Variants in ROBO2 observed in about 807,000 individuals in gnomAD.
The protein encoded by ROBO2 is roundabout homolog 2.
Under a neutral mutation model 160.8 loss-of-function variants are expected in ROBO2, and 53 were observed. The observed-to-expected ratio is 0.33, with a 90% CI of 0.26 to 0.41. The LOEUF (loss-of-function observed/expected upper bound fraction) is 0.41. Ranked by LOEUF, ROBO2 falls within the 10% of genes least tolerant of loss-of-function variation. The probability of loss-of-function intolerance (pLI) is 1.00; values close to 1 mark genes in which losing one functional copy is unlikely to be tolerated. For synonymous variants in ROBO2, 664 were observed against 611.7 expected, an observed-to-expected ratio of 1.09 and a Z score of -1.26; for missense variants, 1,577 against 1,722.4, an observed-to-expected ratio of 0.92 and a Z score of 1.49.
chr3:75,978,605 TTG>T (rs1207734633), intron 2 of ROBO2, among the ~76,000 whole-genome samples: 2 of 149,224 alleles, frequency 1.3e-5, no homozygotes, highest in African/African-American at 5.1e-5. Context: ...TATGAAGTAT[TTG>T]GTTTTCAGCT....
At chr3:76,375,978 A>G (rs1308600171) in intron 2 of ROBO2, among the ~76,000 whole-genome samples, 1 of 152,006 alleles carries the variant, frequency 6.6e-6, no homozygotes, top group Non-Finnish European at 1.5e-5. Flanking sequence ...GGATTCTGTT[A>G]CTTTTCATAT....
intron 2 of ROBO2, among the ~76,000 whole-genome samples, chr3:76,296,083 C>T (rs553397730): frequency 3.3e-5 from 5 of 152,150 alleles, no homozygotes; most frequent in South Asian, 2.1e-4. Flanking sequence ...GTTGAATCAT[C>T]GTGGATATCT....
At chr3:76,587,670 A>T (rs566736861) in intron 2 of ROBO2, among the ~76,000 whole-genome samples, 2 of 152,212 alleles carry the variant, frequency 1.3e-5, no homozygotes, top group Admixed American at 6.5e-5. Flanking sequence ...ATTCAAGATG[A>T]GATTTGGGTG....
chr3:76,221,306 AGCAGTGCCAC>A lies in ROBO2; in HGVS notation c.109+283705_109+283714del, dbSNP rs1395540106. Among the ~76,000 whole-genome samples, 308 of 151,250 alleles carry A rather than the reference AGCAGTGCCAC, an allele frequency of 2.0e-3. 6 individuals carry two copies. The highest frequency in any genetic ancestry group is 0.015 in the Admixed American group (235 of 15,212). ...AAGTGGGTAACTCAGGGTGATGGTG[AGCAGTGCCAC>A]TCTCATTTTACAAGTGGGTAACTCA... is the stretch of plus-strand genomic sequence containing the variant. On this transcript the variant is annotated intron_variant, in intron 2 of 26. Coordinates refer to the ROBO2 transcript ENST00000487694.
At chr3:76,958,372 T>C (rs36091889) in intron 2 of ROBO2, among the ~76,000 whole-genome samples, 1 of 152,358 alleles carries the variant, frequency 6.6e-6, no homozygotes, top group African/African-American at 2.4e-5. Flanking sequence ...ACACAGTTTG[T>C]GATTTTTATC....
At chr3:77,165,128 A>T (rs57213828) in intron 2 of ROBO2, among the ~76,000 whole-genome samples, 3 of 150,580 alleles carry the variant, frequency 2.0e-5, no homozygotes, top group Non-Finnish European at 3.0e-5. Flanking sequence ...AAGGGGGGAA[A>T]GGCGGGGAAA....
At chr3:77,099,287 G>A (rs536874436) in intron 2 of ROBO2, among the ~76,000 whole-genome samples, 18 of 151,888 alleles carry the variant, frequency 1.2e-4, no homozygotes, top group African/African-American at 3.9e-4. Context: ...CTGGTCTTGA[G>A]CTCATGACCT....
chr3:76,991,374 A>C (rs1428353570), intron 2 of ROBO2, among the ~76,000 whole-genome samples: 1 of 152,208 alleles, frequency 6.6e-6, no homozygotes, highest in Non-Finnish European at 1.5e-5. Flanking sequence ...CCTAAATGCA[A>C]TATCATCGCA....
At chr3:76,179,417 C>A (rs1423464802) in intron 2 of ROBO2, among the ~76,000 whole-genome samples, 3 of 152,210 alleles carry the variant, frequency 2.0e-5, no homozygotes, top group Non-Finnish European at 2.9e-5. Flanking sequence ...GCATCATCAT[C>A]TGAATTACTT....
chr3:76,278,862 T>A (rs1402191304), intron 2 of ROBO2, among the ~76,000 whole-genome samples: 1 of 151,868 alleles, frequency 6.6e-6, no homozygotes, highest in Non-Finnish European at 1.5e-5. Context: ...ATAGGTTCAC[T>A]GATTGAGCTG....
intron 2 of ROBO2, among the ~76,000 whole-genome samples, chr3:77,244,893 A>G (rs13072445): frequency 6.8e-6 from 1 of 147,586 alleles, no homozygotes; most frequent in South Asian, 2.1e-4. Flanking sequence ...AAAAAAAAAG[A>G]AAAAAAGAAA....
At chr3:76,933,906 A>G in intron 2 of ROBO2, among the ~76,000 whole-genome samples, 1 of 152,218 alleles carries the variant, frequency 6.6e-6, no homozygotes, top group East Asian at 1.9e-4. Flanking sequence ...TGTCTCTTCT[A>G]AAAATATTAT....
At chr3:76,192,223 T>C (rs564688020) in intron 2 of ROBO2, among the ~76,000 whole-genome samples, 52 of 151,054 alleles carry the variant, frequency 3.4e-4, no homozygotes, top group Non-Finnish European at 5.5e-4. Flanking sequence ...AACCTGACCT[T>C]CGATTGGCTT....
intron 2 of ROBO2, among the ~76,000 whole-genome samples, chr3:76,357,428 G>C (rs1559815755): frequency 6.6e-6 from 1 of 151,886 alleles, no homozygotes; most frequent in African/African-American, 2.4e-5. Context: ...GTAAAGAAAA[G>C]ACAACAGATT....
chr3:77,614,919 T>A (rs1430218035), intron 21 of ROBO2, among the ~76,000 whole-genome samples: 1 of 152,184 alleles, frequency 6.6e-6, no homozygotes, highest in Non-Finnish European at 1.5e-5. Context: ...TCTTGGCATT[T>A]AGGGAAGTAT....
chr3:76,429,715 C>T (rs548465723), intron 2 of ROBO2, among the ~76,000 whole-genome samples: 10 of 152,162 alleles, frequency 6.6e-5, no homozygotes, highest in Admixed American at 5.2e-4. Flanking sequence ...ACAAGGTTTA[C>T]AGAAACTGCA....
intron 2 of ROBO2, among the ~76,000 whole-genome samples, chr3:77,031,547 A>G (rs887928481): frequency 6.1e-5 from 9 of 146,370 alleles, no homozygotes; most frequent in African/African-American, 2.0e-4. Flanking sequence ...TGTATATTTA[A>G]TAACATATTT....
intron 11 of ROBO2, chr3:77,564,382 T>C: frequency 2.2e-6 from 1 of 449,422 alleles, no homozygotes; most frequent in South Asian, 1.6e-5. Flanking sequence ...TACTGTATAA[T>C]GTACAATTTT....
At chr3:76,715,563 A>G (rs758222796) in intron 2 of ROBO2, among the ~76,000 whole-genome samples, 1 of 152,166 alleles carries the variant, frequency 6.6e-6, no homozygotes, top group Non-Finnish European at 1.5e-5. Context: ...ATCTTGGTCC[A>G]TGGTCTGTAA....
Sources: gnomAD v4.1 joint callset for allele counts (sites outside exome capture counted in the v4.1 genomes callset) on GRCh38, gnomAD v4.1.1 for gene constraint, MANE v1.5 for transcripts, NCBI Gene and HGNC (gene_info 2026-07-23, HGNC 2026-07-21) for gene names.